The following EEPD1 variants were observed in gnomAD, a reference collection of about 807,000 sequenced individuals.
EEPD1 encodes the protein endonuclease/exonuclease/phosphatase family domain containing 1.
In EEPD1, 17 loss-of-function variants were observed where a neutral mutation model predicts 46.3. That is an observed-to-expected ratio of 0.37 (90% confidence interval 0.25 to 0.55). The LOEUF is 0.55. Among genes scored for constraint, EEPD1 ranks in the 20% least tolerant of loss-of-function variants. EEPD1 has a pLI of 0.83. For missense variants in EEPD1, 673 were observed against 745.6 expected (o/e 0.90, Z 1.13); for synonymous variants, 313 against 315.6 (o/e 0.99, Z 0.09).
chr7:36,164,490 T>C (rs2115610443), intron 2 of EEPD1, among the ~76,000 whole-genome samples: 1 of 152,358 alleles, frequency 6.6e-6, no homozygotes, highest in Non-Finnish European at 1.5e-5. Context: ...GGTAGGTCCC[T>C]TGAGTGGAGG....
rs140608699 is a variant in EEPD1 at position 36,183,797 on chromosome 7, G to A, written c.878+28595G>A. ...TTACAGGCATGAGCCACTGTGTCCC[G>A]CCAGACTCTGTATTCTTGACAGTGT... On this transcript the variant is annotated intron_variant, in intron 2 of 7. Coordinates refer to ENST00000242108, the MANE Select transcript of EEPD1 (RefSeq NM_030636.3). 5.9e-4 allele frequency among the ~76,000 whole-genome samples: 89 copies of A among 151,446 alleles called. 1 individual carries two copies. Among genetic ancestry groups the A allele is most frequent in the East Asian group, 2.7e-3 (14 of 5,162 alleles).
chr7:36,275,681 C>T (rs1245123810), intron 3 of EEPD1, among the ~76,000 whole-genome samples: 1 of 152,150 alleles, frequency 6.6e-6, no homozygotes, highest in African/African-American at 2.4e-5. Flanking sequence ...AGGCTGGGCT[C>T]AAACTCCTGA....
intron 2 of EEPD1, among the ~76,000 whole-genome samples, chr7:36,215,573 C>A (rs1250091382): frequency 6.6e-6 from 1 of 152,228 alleles, no homozygotes; most frequent in African/African-American, 2.4e-5. Flanking sequence ...GAATAAGTGC[C>A]CATTTGTCCC....
intron 3 of EEPD1, among the ~76,000 whole-genome samples, chr7:36,263,517 C>T (rs1786965495): frequency 6.6e-6 from 1 of 152,208 alleles, no homozygotes; most frequent in South Asian, 2.1e-4. Context: ...ACTGTGGAGT[C>T]ACAGAGCAGA....
chr7:36,191,648 A>G (rs1382036437), intron 2 of EEPD1, among the ~76,000 whole-genome samples: 1 of 152,226 alleles, frequency 6.6e-6, no homozygotes, highest in Non-Finnish European at 1.5e-5. Context: ...GAAGGCTCAG[A>G]CTGGGAATGA....
chr7:36,155,879 A>G (rs1784816900), intron 2 of EEPD1, among the ~76,000 whole-genome samples: 1 of 152,226 alleles, frequency 6.6e-6, no homozygotes, highest in Non-Finnish European at 1.5e-5. Flanking sequence ...GTCCAGTAGG[A>G]TAGGCCGTTA....
intron 2 of EEPD1, among the ~76,000 whole-genome samples, chr7:36,177,841 G>A (rs1280440592): frequency 6.6e-6 from 1 of 152,074 alleles, no homozygotes; most frequent in Non-Finnish European, 1.5e-5. Flanking sequence ...AACCTCCCGA[G>A]TAGCTAGGAT....
rs1784751537 is a variant in EEPD1, at chr7:36,153,279, A to T, written c.-588A>T. ...GACTTTGGCTTTGACACCGACTGCG[A>T]GCGGGAGCCGTGCGGCTGGTGCTGG... On this transcript the variant is annotated 5_prime_UTR_variant, in exon 1 of 8. Transcript: ENST00000242108. 6.6e-6 allele frequency: 1 copy of T among 152,364 alleles called. No homozygotes were observed. The highest frequency in any genetic ancestry group is 2.4e-5 in the African/African-American group (1 of 41,388). The allele number at this position is 152,364 out of a possible 1,614,324, so 9.4% of individuals were successfully genotyped here. A position where few individuals can be genotyped will look rare whatever the true frequency, so the allele number is the denominator to read the frequency against.
At chr7:36,165,902 G>T (rs973828995) in intron 2 of EEPD1, among the ~76,000 whole-genome samples, 2 of 152,154 alleles carry the variant, frequency 1.3e-5, no homozygotes, top group African/African-American at 4.8e-5. Flanking sequence ...AAACAATGAA[G>T]TCCTAGTGAG....
intron 2 of EEPD1, among the ~76,000 whole-genome samples, chr7:36,192,829 G>A (rs1275331305): frequency 1.3e-5 from 2 of 152,350 alleles, no homozygotes; most frequent in South Asian, 2.1e-4. Context: ...CAGAGCATCC[G>A]AGTGGGAAGC....
chr7:36,154,204 C>T lies in EEPD1; in HGVS notation c.-121C>T. The stretch of plus-strand genomic sequence containing the variant: ...CGGTGTTTGTCTATAGTAACCTCTT[C>T]AGTCCCTGAATCCTGCACCTTCCGT... On this transcript the variant is annotated 5_prime_UTR_variant, in exon 2 of 8. Coordinates refer to ENST00000242108, the MANE Select transcript of EEPD1 (RefSeq NM_030636.3). This position sits in a 1 kb window ranked among gnomAD's most constrained non-coding sequence, Gnocchi z 4.2. The T allele has an allele frequency of 1.6e-6, 2 of 1,258,108 alleles. No individual in the cohort carries two copies. The highest frequency in any genetic ancestry group is 2.1e-6 in the Non-Finnish European group (2 of 936,062). 77.9% of individuals were successfully genotyped at this position (1,258,108 alleles called of 1,614,324 possible). A position where few individuals can be genotyped will look rare whatever the true frequency, so the allele number is the denominator to read the frequency against.
chr7:36,186,038 A>T (rs1287650418), intron 2 of EEPD1, among the ~76,000 whole-genome samples: 1 of 152,076 alleles, frequency 6.6e-6, no homozygotes, highest in African/African-American at 2.4e-5. Flanking sequence ...TCTGGAACTT[A>T]TATTTCTTTC....
intron 2 of EEPD1, among the ~76,000 whole-genome samples, chr7:36,237,120 A>T (rs1474399831): frequency 6.6e-6 from 1 of 152,188 alleles, no homozygotes; most frequent in Admixed American, 6.5e-5. Context: ...CGCCTTTATG[A>T]ACTGTAACAC....
rs113109990 is a variant in EEPD1 at position 36,178,735 on chromosome 7, C to T, written c.878+23533C>T. Among the ~76,000 whole-genome samples the T allele has an allele frequency of 8.8e-3, 1,342 of 152,288 alleles. 23 individuals carry two copies. Among genetic ancestry groups the T allele is most frequent in the African/African-American group, 0.03 (1,260 of 41,558 alleles). On this transcript the variant is annotated intron_variant, in intron 2 of 7. Transcript: ENST00000242108. Reference sequence around the variant, plus strand: ...TGAGTCCCATGAGGCAGGGTGTGCTCTCCTGCCCTGCACTGGTGTGGCTTC... The same window carrying T: ...TGAGTCCCATGAGGCAGGGTGTGCTTTCCTGCCCTGCACTGGTGTGGCTTC...
chr7:36,209,428 C>T (rs1785883913), intron 2 of EEPD1, among the ~76,000 whole-genome samples: 1 of 152,178 alleles, frequency 6.6e-6, no homozygotes, highest in African/African-American at 2.4e-5. Context: ...GATTGTAGAG[C>T]CAAGCCTGAG....
intron 2 of EEPD1, among the ~76,000 whole-genome samples, chr7:36,195,975 G>C (rs1785574727): frequency 6.6e-6 from 1 of 152,134 alleles, no homozygotes; most frequent in Non-Finnish European, 1.5e-5. Flanking sequence ...AGATTGTAGA[G>C]TCCACTACAC....
chr7:36,270,466 C>A (rs966344976), intron 3 of EEPD1, among the ~76,000 whole-genome samples: 5 of 152,100 alleles, frequency 3.3e-5, no homozygotes, highest in African/African-American at 9.7e-5. Flanking sequence ...TAGCCCCCAA[C>A]CCCCAACAGG....
At chr7:36,233,633 A>G (rs1763957424) in intron 2 of EEPD1, among the ~76,000 whole-genome samples, 1 of 152,176 alleles carries the variant, frequency 6.6e-6, no homozygotes, top group African/African-American at 2.4e-5. Context: ...AGAAAATAAC[A>G]TATTGTGATC....
intron 2 of EEPD1, among the ~76,000 whole-genome samples, chr7:36,220,899 A>G (rs1320484636): frequency 6.6e-6 from 1 of 152,188 alleles, no homozygotes; most frequent in African/African-American, 2.4e-5. Context: ...TCCTGGGTTC[A>G]AGTGATTCTC....
Sources: allele counts gnomAD v4.1 joint callset (sites outside exome capture counted in the v4.1 genomes callset), GRCh38; gene constraint gnomAD v4.1.1; non-coding constraint Gnocchi (gnomAD v3.1); transcripts MANE v1.5; gene names NCBI Gene and HGNC (gene_info 2026-07-23, HGNC 2026-07-21).